The following TM2D1 variants were observed in gnomAD, a reference collection of about 807,000 sequenced individuals.
TM2D1 encodes TM2 domain containing 1.
In TM2D1, 15 loss-of-function variants were observed where a neutral mutation model predicts 28.4. That is an observed-to-expected ratio of 0.53 (90% CI 0.35 to 0.81). TM2D1 has a LOEUF of 0.81. Among genes scored for constraint, TM2D1 ranks in the 40% least tolerant of loss-of-function variants. The pLI is 0.01. For synonymous variants in TM2D1, 93 were observed against 96.2 expected, an observed-to-expected ratio of 0.97 and a Z score of 0.20; for missense variants, 236 against 254.9, an observed-to-expected ratio of 0.93 and a Z score of 0.50.
intron 3 of TM2D1, among the ~76,000 whole-genome samples, chr1:61,705,899 T>C (rs898434441): frequency 1.3e-5 from 2 of 152,226 alleles, no homozygotes; most frequent in Non-Finnish European, 2.9e-5. Context: ...GAATACATTA[T>C]AGAATATTTG....
chr1:61,692,361 C>A (rs573396926), intron 5 of TM2D1, among the ~76,000 whole-genome samples: 1 of 151,814 alleles, frequency 6.6e-6, no homozygotes, highest in East Asian at 1.9e-4. Flanking sequence ...TGAATCCATG[C>A]CCGATACGTT....
chr1:61,707,898 C>A (rs17122691), intron 3 of TM2D1, among the ~76,000 whole-genome samples: 2,190 of 152,038 alleles, frequency 0.014, 48 homozygotes, highest in African/African-American at 0.049. Context: ...AAACTAAGTG[C>A]CATCAAATAG....
At chr1:61,703,718 TTATATATATATATATA>T (rs56267637) in intron 3 of TM2D1, among the ~76,000 whole-genome samples, 1,045 of 99,074 alleles carry the variant, frequency 0.011, 42 homozygotes, top group African/African-American at 0.039. Context: ...TAGCCAATCT[TTATATATATATATATA>T]TATATATATA....
chr1:61,684,137 T>A (rs766410152), intron 5 of TM2D1, among the ~76,000 whole-genome samples: 3 of 152,140 alleles, frequency 2.0e-5, no homozygotes, highest in Non-Finnish European at 4.4e-5. Context: ...AAACAACACA[T>A]GTTCGCTACA....
intron 5 of TM2D1, among the ~76,000 whole-genome samples, chr1:61,685,608 T>C (rs1644279435): frequency 1.3e-5 from 2 of 152,218 alleles, no homozygotes; most frequent in African/African-American, 2.4e-5. Flanking sequence ...GAACTACACA[T>C]GTTAATATTC....
chr1:61,704,202 TA>T (rs1221119364), intron 3 of TM2D1, among the ~76,000 whole-genome samples: 2 of 152,066 alleles, frequency 1.3e-5, no homozygotes, highest in African/African-American at 4.8e-5. Flanking sequence ...TTATATATAT[TA>T]AGGTCTAAAA....
At chr1:61,699,921 T>C (rs534892490) in intron 4 of TM2D1, 11 of 340,914 alleles carry the variant, frequency 3.2e-5, no homozygotes, top group South Asian at 1.1e-4. Context: ...CAGAAATATA[T>C]CTACCATCAA....
chr1:61,694,882 A>C, intron 4 of TM2D1, 112 bp from the exon 5 acceptor site: 1 of 481,446 alleles, frequency 2.1e-6, no homozygotes, highest in Non-Finnish European at 3.6e-6. Flanking sequence ...TCTTTATATC[A>C]AGAACATAAA....
At chr1:61,723,679 A>G (rs750704214) in intron 2 of TM2D1, 34 bp downstream of exon 2, 3 of 1,244,458 alleles carry the variant, frequency 2.4e-6, no homozygotes, top group Non-Finnish European at 3.3e-6. Context: ...TGTTTTTAAA[A>G]TTATTTTTAA....
chr1:61,709,214 A>G, intron 3 of TM2D1, 115 bp downstream of exon 3: 1 of 697,306 alleles, frequency 1.4e-6, no homozygotes, highest in Non-Finnish European at 2.4e-6. Flanking sequence ...ACACAAGCAA[A>G]AAGATAAAAG....
rs537364377 is a variant in TM2D1 at position 61,713,041 on chromosome 1, A to G, written c.239-3604T>C. On this transcript the variant is annotated intron_variant, in intron 2 of 6. Transcript: ENST00000606498. ...AAAAATCAGTGGGGTGTGGTGGCAC[A>G]CACCTGAAATCCCAGCTACTTGGGA... Among the ~76,000 whole-genome samples, 5 of 152,038 alleles carry G rather than the reference A, an allele frequency of 3.3e-5. No homozygotes were observed. The East Asian group carries it at 9.7e-4, about 30-fold the overall frequency.
chr1:61,688,724 C>A (rs1644302389), intron 5 of TM2D1, among the ~76,000 whole-genome samples: 1 of 134,130 alleles, frequency 7.5e-6, no homozygotes, highest in African/African-American at 2.8e-5. Context: ...CTCTGTCCCC[C>A]CACCGCCCCC....
intron 4 of TM2D1, chr1:61,699,548 A>C (rs1305332390): frequency 6.6e-6 from 1 of 152,190 alleles, no homozygotes; most frequent in Non-Finnish European, 1.5e-5. Flanking sequence ...CTAATCTCCC[A>C]GTGTACACTA....
At chr1:61,684,468 C>T (rs1644269315) in intron 5 of TM2D1, among the ~76,000 whole-genome samples, 1 of 152,156 alleles carries the variant, frequency 6.6e-6, no homozygotes, top group South Asian at 2.1e-4. Context: ...CTTATGATGG[C>T]ATATTTCCCT....
intron 3 of TM2D1, among the ~76,000 whole-genome samples, chr1:61,705,895 A>G (rs868759760): frequency 6.6e-6 from 1 of 152,234 alleles, no homozygotes; most frequent in Admixed American, 6.5e-5. Context: ...TGGAGAATAC[A>G]TTATAGAATA....
Position 61,691,946 on chromosome 1 carries a change from T to A in TM2D1, c.513+2751A>T, listed in dbSNP as rs865895308. Among the ~76,000 whole-genome samples the A allele has an allele frequency of 8.3e-4, 105 of 127,052 alleles. 2 individuals carry two copies. The highest frequency in any genetic ancestry group is 3.5e-3 in the Admixed American group (40 of 11,542). The allele number at this position is 127,052 out of a possible 152,430, so 83.4% of individuals were successfully genotyped here. On this transcript the variant is annotated intron_variant, in intron 5 of 6. Transcript: ENST00000606498. ...TAAAAAAAAAAAATATATATATATATATATATATATATATGTATATATATA... is the reference window on the plus strand; with the variant it reads ...TAAAAAAAAAAAATATATATATATAAATATATATATATATGTATATATATA...
intron 3 of TM2D1, 94 bp from the exon 4 acceptor site, chr1:61,701,119 T>C: frequency 1.1e-6 from 1 of 933,744 alleles, no homozygotes; most frequent in South Asian, 1.6e-5. Flanking sequence ...GTTCATTCTT[T>C]CACTCAGTTA....
At chr1:61,706,722 G>A (rs1055133583) in intron 3 of TM2D1, among the ~76,000 whole-genome samples, 5 of 151,272 alleles carry the variant, frequency 3.3e-5, no homozygotes, top group Admixed American at 6.6e-5. Flanking sequence ...GCAGGAGATC[G>A]CTTGAACCCG....
intron 5 of TM2D1, chr1:61,687,029 G>A: frequency 1.0e-6 from 1 of 955,008 alleles, no homozygotes; most frequent in Middle Eastern, 5.4e-4. Context: ...AAAATTATGA[G>A]TTTATTTCTC....
Sources: allele counts gnomAD v4.1 joint callset (sites outside exome capture counted in the v4.1 genomes callset), GRCh38; gene constraint gnomAD v4.1.1; transcripts MANE v1.5; gene names NCBI Gene and HGNC (gene_info 2026-07-23, HGNC 2026-07-21).